Variants in REPS1 observed in about 807,000 individuals in gnomAD.
REPS1 encodes the protein RALBP1 associated Eps domain containing 1, also known as ralBP1-associated Eps domain-containing protein 1.
REPS1 carries 39 observed loss-of-function variants against 100.9 expected under a neutral mutation model. The observed-to-expected ratio is 0.39, with a 90% confidence interval of 0.30 to 0.50. The LOEUF is 0.50. Ranked by LOEUF, REPS1 falls within the 20% of genes least tolerant of loss-of-function variation. The pLI, the probability that REPS1 is intolerant of heterozygous loss-of-function variation, is 0.86. For missense variants in REPS1, 821 were observed against 968.5 expected, an observed-to-expected ratio of 0.85 and a Z score of 2.02; for synonymous variants, 324 against 340.3, an observed-to-expected ratio of 0.95 and a Z score of 0.53.
intron 1 of REPS1, among the ~76,000 whole-genome samples, chr6:138,977,485 G>A (rs994794371): frequency 6.6e-6 from 1 of 152,150 alleles, no homozygotes; most frequent in Non-Finnish European, 1.5e-5. Context: ...ATATGCGGGT[G>A]CCATCACATT....
chr6:138,952,145 G>A (rs748652549), intron 1 of REPS1, among the ~76,000 whole-genome samples: 39 of 152,110 alleles, frequency 2.6e-4, no homozygotes, highest in South Asian at 6.2e-4. Flanking sequence ...AGTAGTTAAG[G>A]ATATAGAATT....
rs762104086 is a variant in REPS1 at position 138,912,804 on chromosome 6, T to C, written c.1932A>G (p.Glu644=). Residue 644 remains glutamate (E), a synonymous_variant, in exon 16 of 20, where the codon GAA becomes GAG. Transcript: ENST00000450536. The part of the protein sequence containing the change: ...EVFAASNVND[E]QDDEAEKHPE... ...GATGTTTCTCGGCTTCATCATCTTGTTCGTCGTTTACATTTGATGCAGCAA... is the reference window on the plus strand; with the variant it reads ...GATGTTTCTCGGCTTCATCATCTTGCTCGTCGTTTACATTTGATGCAGCAA... 1 of 1,614,200 alleles carries C rather than the reference T, an allele frequency of 6.2e-7. No individual in the cohort carries two copies. The highest frequency in any genetic ancestry group is 1.1e-5 in the South Asian group (1 of 91,082).
chr6:138,930,804 C>T (rs187249005), intron 8 of REPS1, among the ~76,000 whole-genome samples: 9 of 152,262 alleles, frequency 5.9e-5, no homozygotes, highest in African/African-American at 1.7e-4. Flanking sequence ...TCAATAAGCT[C>T]TGTCTGAAAC....
At chr6:138,947,045 T>G (rs1261911279) in intron 2 of REPS1, among the ~76,000 whole-genome samples, 6 of 120,772 alleles carry the variant, frequency 5.0e-5, no homozygotes, top group African/African-American at 8.0e-5. Flanking sequence ...GCTCTCTCTC[T>G]CTCTCTCTCT....
intron 1 of REPS1, among the ~76,000 whole-genome samples, chr6:138,963,025 C>G (rs1385388953): frequency 6.6e-6 from 1 of 152,112 alleles, no homozygotes; most frequent in Non-Finnish European, 1.5e-5. Context: ...TAATGTATAA[C>G]CCCAATCTTC....
At chr6:138,912,194 A>T (rs1391124162) in intron 16 of REPS1, among the ~76,000 whole-genome samples, 1 of 152,200 alleles carries the variant, frequency 6.6e-6, no homozygotes, top group Non-Finnish European at 1.5e-5. Flanking sequence ...TAGGTCAGAG[A>T]TTCCTAGAGA....
intron 15 of REPS1, 129 bp from the exon 16 acceptor site, chr6:138,913,079 G>A: frequency 1.6e-6 from 1 of 627,162 alleles, no homozygotes; most frequent in South Asian, 2.8e-5. Context: ...GTTCAGAGAG[G>A]TGTATTATAG....
intron 1 of REPS1, among the ~76,000 whole-genome samples, chr6:138,958,044 GTT>G (rs1783510215): frequency 6.6e-6 from 1 of 152,206 alleles, no homozygotes; most frequent in Non-Finnish European, 1.5e-5. Context: ...TTAGAAAAGT[GTT>G]AACAGGACAA....
At chr6:138,950,953 G>A (rs1782979535) in intron 1 of REPS1, 1 of 152,188 alleles carries the variant, frequency 6.6e-6, no homozygotes, top group African/African-American at 2.4e-5. Context: ...CACTTTGGGA[G>A]CCAAGGTGGG....
At chr6:138,950,789 G>C (rs1319309309) in intron 1 of REPS1, among the ~76,000 whole-genome samples, 1 of 152,024 alleles carries the variant, frequency 6.6e-6, no homozygotes, top group African/African-American at 2.4e-5. Flanking sequence ...GATTTTACTT[G>C]GGGCAGCAAC....
chr6:138,926,365 T>C (rs1439362331), intron 10 of REPS1, 36 bp downstream of exon 10: 1 of 1,463,776 alleles, frequency 6.8e-7, no homozygotes, highest in Admixed American at 1.7e-5. Context: ...GTTAATAAAA[T>C]TAATCTCAAA....
chr6:138,924,189 G>A (rs151027220), intron 10 of REPS1, among the ~76,000 whole-genome samples: 1 of 152,232 alleles, frequency 6.6e-6, no homozygotes, highest in African/African-American at 2.4e-5. Flanking sequence ...ATTTAAGTTT[G>A]CCAACATAAA....
chr6:138,964,746 T>C (rs1014550704), intron 1 of REPS1, among the ~76,000 whole-genome samples: 3 of 151,978 alleles, frequency 2.0e-5, no homozygotes, highest in Admixed American at 1.3e-4. Flanking sequence ...AAAAAAACCC[T>C]AGAAATGTCT....
At chr6:138,979,210 A>AAAAAAAAC (rs1784790511) in intron 1 of REPS1, among the ~76,000 whole-genome samples, 1 of 149,220 alleles carries the variant, frequency 6.7e-6, no homozygotes, top group African/African-American at 2.5e-5. Context: ...AAAAAAAAAA[A>AAAAAAAAC]CTGAAGAAGT....
intron 1 of REPS1, among the ~76,000 whole-genome samples, chr6:138,987,106 G>A (rs567568200): frequency 4.6e-5 from 7 of 152,000 alleles, no homozygotes; most frequent in East Asian, 1.9e-4. Context: ...ACTTTATCAC[G>A]TCTTCTCGGT....
At chr6:138,938,384 C>CT (rs2128467611) in intron 8 of REPS1, among the ~76,000 whole-genome samples, 1 of 152,270 alleles carries the variant, frequency 6.6e-6, no homozygotes, top group African/African-American at 2.4e-5. Flanking sequence ...AAGAGTTAAA[C>CT]TTTAAGTATA....
In REPS1 at chr6:138,911,383, T is replaced by C; in HGVS notation, c.1972-12A>G. The C allele has an allele frequency of 1.3e-6, 2 of 1,546,578 alleles. No homozygotes were observed. Among genetic ancestry groups the C allele is most frequent in the Non-Finnish European group, 1.8e-6 (2 of 1,118,976 alleles). On this transcript the variant is annotated splice_polypyrimidine_tract_variant and intron_variant, in intron 16 of 19. Coordinates refer to ENST00000450536, the MANE Select transcript of REPS1 (RefSeq NM_001286611.2). ...GAAGCTTTTTCAGCCTAAAAATGAATATGTTTATCACTATTAATTCTACAT... is the reference window on the plus strand; with the variant it reads ...GAAGCTTTTTCAGCCTAAAAATGAACATGTTTATCACTATTAATTCTACAT...
chr6:138,986,635 T>C (rs1172598855), intron 1 of REPS1, among the ~76,000 whole-genome samples: 1 of 152,226 alleles, frequency 6.6e-6, no homozygotes, highest in Non-Finnish European at 1.5e-5. Flanking sequence ...TGGATCAATA[T>C]AAAAGATGAA....
chr6:138,917,990 GAAAATAAAGTAACATTACAACAATA>G (rs1230542914), intron 12 of REPS1, among the ~76,000 whole-genome samples: 1 of 152,054 alleles, frequency 6.6e-6, no homozygotes, highest in Admixed American at 6.6e-5. Flanking sequence ...GAAAATATTA[GAAAATAAAGTAACATTACAACAATA>G]AAAATAACAC....
Sources: allele counts gnomAD v4.1 joint callset (sites outside exome capture counted in the v4.1 genomes callset), GRCh38; gene constraint gnomAD v4.1.1; transcripts MANE v1.5; gene names NCBI Gene and HGNC (gene_info 2026-07-23, HGNC 2026-07-21).